ABCC8: variants seen among roughly 807,000 people sequenced by gnomAD.
ABCC8 encodes ATP binding cassette subfamily C member 8, also known as ATP-binding cassette sub-family C member 8.
ABCC8 carries 137 observed loss-of-function variants against 188.0 expected under a neutral mutation model. The ratio of observed to expected loss-of-function variants is 0.73; its 90% CI spans 0.63 to 0.84. The LOEUF is 0.84. Among genes scored for constraint, ABCC8 ranks in the 40% least tolerant of loss-of-function variants. ABCC8 has a pLI of 0.00. For synonymous variants in ABCC8, 797 were observed against 846.5 expected, an observed-to-expected ratio of 0.94 and a Z score of 1.01; for missense variants, 1,750 against 2,072.7, an observed-to-expected ratio of 0.84 and a Z score of 3.02.
intron 10 of ABCC8, among the ~76,000 whole-genome samples, chr11:17,439,725 C>G (rs919523703): frequency 2.0e-5 from 3 of 152,214 alleles, no homozygotes; most frequent in African/African-American, 7.2e-5. Context: ...TCCTCCGCTG[C>G]TCTCTTCCAG....
At chr11:17,431,050 G>A in intron 11 of ABCC8, 91 bp from the exon 12 acceptor site, 2 of 1,558,526 alleles carry the variant, frequency 1.3e-6, no homozygotes, top group Non-Finnish European at 1.7e-6. Context: ...GGAAATGAGA[G>A]GGCTGTCAGG....
intron 3 of ABCC8, among the ~76,000 whole-genome samples, chr11:17,464,608 G>C (rs1048130653): frequency 2.0e-5 from 3 of 152,216 alleles, no homozygotes; most frequent in Admixed American, 6.5e-5. Context: ...TTGGACATTA[G>C]CTGTTATATT....
At position 17,427,830 on chromosome 11, in the gene ABCC8, G is replaced by A; in HGVS notation, c.2116+37C>T. ...ATCTCTATGTTATTCAGTGGGACAT[G>A]GGGAGGGGCATGCTGGAGGGGTGGA... On this transcript the variant is annotated intron_variant, in intron 15 of 38. Transcript: ENST00000389817. The surrounding 1 kb of genome is among the most constrained non-coding windows in gnomAD (Gnocchi z 5.0). The A allele has an allele frequency of 6.2e-7, 1 of 1,611,850 alleles. No individual in the cohort carries two copies. The highest frequency in any genetic ancestry group is 8.5e-7 in the Non-Finnish European group (1 of 1,178,788).
intron 12 of ABCC8, 180 bp downstream of exon 12, chr11:17,430,634 C>A (rs563214163): frequency 1.1e-5 from 8 of 758,068 alleles, no homozygotes; most frequent in East Asian, 7.5e-5. Context: ...TCAGGGATGG[C>A]GAGCTGGGAA....
chr11:17,449,222 G>A (rs1172277622), intron 7 of ABCC8, among the ~76,000 whole-genome samples: 3 of 152,122 alleles, frequency 2.0e-5, no homozygotes, highest in Non-Finnish European at 2.9e-5. Context: ...CACCGCACCC[G>A]GTCTGTTCTT....
intron 16 of ABCC8, among the ~76,000 whole-genome samples, chr11:17,418,680 C>G (rs574062716): frequency 2.6e-4 from 40 of 152,246 alleles, no homozygotes; most frequent in African/African-American, 9.4e-4. Context: ...AGTAAGCTCT[C>G]CAGGCCCTAA....
At chr11:17,397,875 G>A (rs1954026748) in intron 30 of ABCC8, 78 bp from the exon 31 acceptor site, 6 of 1,570,316 alleles carry the variant, frequency 3.8e-6, no homozygotes, top group Admixed American at 1.8e-5. Context: ...TCCTTTTCGG[G>A]GCAGAGAGCA....
intron 19 of ABCC8, 84 bp downstream of exon 19, chr11:17,414,428 C>G (rs1271220670): frequency 3.2e-6 from 5 of 1,560,816 alleles, no homozygotes; most frequent in African/African-American, 1.4e-5. Flanking sequence ...TGTGGGTGAT[C>G]GATGGAGGGG....
At chr11:17,443,415 C>A (rs1956403198) in intron 8 of ABCC8, 103 bp from the exon 9 acceptor site, 1 of 1,590,622 alleles carries the variant, frequency 6.3e-7, no homozygotes, top group Admixed American at 1.7e-5. Context: ...GTGGGACAAG[C>A]CTTGGTGCCC....
chr11:17,442,207 T>C (rs183383892), intron 10 of ABCC8, among the ~76,000 whole-genome samples: 2 of 152,358 alleles, frequency 1.3e-5, no homozygotes, highest in Admixed American at 6.5e-5. Context: ...TTGGTTAATA[T>C]AAATTCAGTC....
intron 33 of ABCC8, 23 bp downstream of exon 33, chr11:17,396,893 T>C (rs749947558): frequency 2.5e-6 from 4 of 1,612,790 alleles, no homozygotes; most frequent in Admixed American, 3.3e-5. Flanking sequence ...TCCTGCAGCA[T>C]TGGGTTGGGC....
Position 17,431,245 on chromosome 11 carries a change from G to A in ABCC8, c.1672-286C>T, listed in dbSNP as rs542273362. Reference sequence around the variant, plus strand: ...TGGGAATAAGCAGGGAGGAGATCTCGGGTTAGGTCAGCACGGCCCCCTCTG... The same window carrying A: ...TGGGAATAAGCAGGGAGGAGATCTCAGGTTAGGTCAGCACGGCCCCCTCTG... On this transcript the variant is annotated intron_variant, in intron 11 of 38. Transcript: ENST00000389817. Among the ~76,000 whole-genome samples the A allele has an allele frequency of 1.2e-3, 184 of 152,304 alleles. 1 individual carries two copies. The highest frequency in any genetic ancestry group is 2.6e-3 in the African/African-American group (110 of 41,570).
At chr11:17,398,120 C>A (rs1954040950) in intron 30 of ABCC8, among the ~76,000 whole-genome samples, 1 of 152,244 alleles carries the variant, frequency 6.6e-6, no homozygotes, top group Non-Finnish European at 1.5e-5. Flanking sequence ...GTTCTTGCCA[C>A]TGGCACACAC....
intron 19 of ABCC8, among the ~76,000 whole-genome samples, chr11:17,414,112 C>T (rs1022916082): frequency 6.6e-6 from 1 of 152,164 alleles, no homozygotes; most frequent in Non-Finnish European, 1.5e-5. Flanking sequence ...GAGGAAATTC[C>T]GTGTACAAAG....
At chr11:17,466,714 T>TG (rs1564985918) in intron 3 of ABCC8, among the ~76,000 whole-genome samples, 1 of 152,118 alleles carries the variant, frequency 6.6e-6, no homozygotes, top group South Asian at 2.1e-4. Flanking sequence ...CAATCTTGGC[T>TG]CACTGTAGCC....
chr11:17,466,352 T>A lies in ABCC8; in HGVS notation c.413-2748A>T, dbSNP rs1320769007. On this transcript the variant is annotated intron_variant, in intron 3 of 38. Coordinates refer to ENST00000389817, the MANE Select transcript of ABCC8 (RefSeq NM_000352.6). ...AAGCAGAGGTTGCGGTGAGCCGAGA[T>A]TGCACCACTGCACTCCAACCTGGGC... Among the ~76,000 whole-genome samples, 3 of 147,332 alleles carry A rather than the reference T, an allele frequency of 2.0e-5. No individual in the cohort carries two copies. The East Asian group carries it at 6.0e-4, about 30-fold the overall frequency.
chr11:17,393,778 A>G lies in ABCC8; in HGVS notation c.4546-19T>C. 1 of 1,614,052 alleles carries G rather than the reference A, an allele frequency of 6.2e-7. No individual in the cohort carries two copies. The highest frequency in any genetic ancestry group is 8.5e-7 in the Non-Finnish European group (1 of 1,179,918). On this transcript the variant is annotated intron_variant, in intron 37 of 38. Transcript: ENST00000389817. Reference sequence around the variant, plus strand: ...TGTTTTCCTGCCAAGTGGGGGCAACAGCTGTTGGCTCACCTGCCCAGTGGA... The same window carrying G: ...TGTTTTCCTGCCAAGTGGGGGCAACGGCTGTTGGCTCACCTGCCCAGTGGA...
At chr11:17,396,773 G>C in intron 33 of ABCC8, 143 bp downstream of exon 33, 1 of 1,075,560 alleles carries the variant, frequency 9.3e-7, no homozygotes, top group Non-Finnish European at 1.4e-6. Flanking sequence ...CACAGGCCCA[G>C]GGCAGGAGAC....
chr11:17,445,492 G>C (rs943204828), intron 8 of ABCC8, among the ~76,000 whole-genome samples: 1 of 152,188 alleles, frequency 6.6e-6, no homozygotes, highest in African/African-American at 2.4e-5. Flanking sequence ...GTGTGCATGT[G>C]ACCAAAAAAA....
Sources: allele counts gnomAD v4.1 joint callset (sites outside exome capture counted in the v4.1 genomes callset), GRCh38; gene constraint gnomAD v4.1.1; non-coding constraint Gnocchi (gnomAD v3.1); transcripts MANE v1.5; gene names NCBI Gene and HGNC (gene_info 2026-07-23, HGNC 2026-07-21).